Variants in R3HDM1 observed in about 807,000 individuals in gnomAD.
R3HDM1 encodes the protein R3H domain-containing protein 1.
A neutral mutation model predicts 141.1 loss-of-function variants in R3HDM1; 46 were observed. That is an observed-to-expected ratio of 0.33 (90% CI 0.26 to 0.42). The LOEUF is 0.42. Ranked by LOEUF, R3HDM1 falls within the 10% of genes least tolerant of loss-of-function variation. The pLI is 1.00. For missense variants in R3HDM1, 1,184 were observed against 1,368.3 expected, an observed-to-expected ratio of 0.87 and a Z score of 2.12; for synonymous variants, 435 against 472.9, an observed-to-expected ratio of 0.92 and a Z score of 1.04.
chr2:135,724,403 T>C lies in R3HDM1; in HGVS notation c.*111T>C, dbSNP rs1205181425. ...TTATAGAGACTCCTAGGATGTGTGTTCATGGCATTATAGCTTTTGAAGAAA... is the reference window on the plus strand; with the variant it reads ...TTATAGAGACTCCTAGGATGTGTGTCCATGGCATTATAGCTTTTGAAGAAA... On this transcript the variant is annotated 3_prime_UTR_variant, in exon 27 of 27. Coordinates refer to ENST00000683871, the MANE Select transcript of R3HDM1 (RefSeq NM_001378107.1). The C allele has an allele frequency of 1.2e-6, 1 of 821,606 alleles. No individual in the cohort carries two copies. Among genetic ancestry groups the C allele is most frequent in the Non-Finnish European group, 1.9e-6 (1 of 539,270 alleles). 50.9% of individuals were successfully genotyped at this position (821,606 alleles called of 1,614,324 possible). A position where few individuals can be genotyped will look rare whatever the true frequency, so the allele number is the denominator to read the frequency against.
chr2:135,611,036 C>T (rs548090565), intron 3 of R3HDM1, among the ~76,000 whole-genome samples: 1 of 147,778 alleles, frequency 6.8e-6, no homozygotes, highest in Admixed American at 6.8e-5. Context: ...CTTGAGAGTT[C>T]AAGGCTGCAG....
At chr2:135,585,397 T>C (rs1172264433) in intron 1 of R3HDM1, among the ~76,000 whole-genome samples, 1 of 152,246 alleles carries the variant, frequency 6.6e-6, no homozygotes, top group Non-Finnish European at 1.5e-5. Flanking sequence ...GTGGGATTTC[T>C]GGTTGGTGTA....
At chr2:135,536,468 C>T (rs1696145061) in intron 1 of R3HDM1, 2 of 825,998 alleles carry the variant, frequency 2.4e-6, no homozygotes, top group Non-Finnish European at 1.5e-6. Context: ...TAGTGGATTG[C>T]ACAGCATGTT....
chr2:135,593,373 T>G (rs1709795663), intron 1 of R3HDM1, among the ~76,000 whole-genome samples: 1 of 152,178 alleles, frequency 6.6e-6, no homozygotes, highest in African/African-American at 2.4e-5. Context: ...CAAAATACAT[T>G]TTACCCTCAC....
chr2:135,678,543 T>C (rs1056037472), intron 20 of R3HDM1, among the ~76,000 whole-genome samples: 14 of 151,482 alleles, frequency 9.2e-5, no homozygotes, highest in African/African-American at 3.1e-4. Flanking sequence ...AGGTCAGAAG[T>C]TTGAGACCAG....
intron 1 of R3HDM1, among the ~76,000 whole-genome samples, chr2:135,579,991 G>A (rs971084922): frequency 1.3e-5 from 2 of 151,096 alleles, no homozygotes; most frequent in African/African-American, 4.8e-5. Flanking sequence ...ATAGTGGCTT[G>A]TGCAGCACTG....
intron 21 of R3HDM1, among the ~76,000 whole-genome samples, chr2:135,683,093 G>C (rs1051107084): frequency 2.6e-5 from 4 of 152,242 alleles, no homozygotes; most frequent in East Asian, 1.9e-4. Context: ...GCTGACAGTA[G>C]TGATTGGTCA....
chr2:135,661,527 C>T, intron 19 of R3HDM1, 134 bp downstream of exon 19: 1 of 1,147,556 alleles, frequency 8.7e-7, no homozygotes, highest in South Asian at 1.6e-5. Flanking sequence ...GTTTGCAAAC[C>T]AATGAGATTA....
chr2:135,628,326 A>T (rs1457092569), intron 7 of R3HDM1, among the ~76,000 whole-genome samples: 1 of 152,212 alleles, frequency 6.6e-6, no homozygotes, highest in African/African-American at 2.4e-5. Context: ...TGTTTTTTTA[A>T]CAAGTGCTAC....
intron 18 of R3HDM1, among the ~76,000 whole-genome samples, chr2:135,654,813 G>A (rs1208553167): frequency 1.3e-5 from 2 of 151,394 alleles, no homozygotes; most frequent in African/African-American, 4.9e-5. Context: ...GTAGGTACAT[G>A]TATTTTTTTA....
At chr2:135,632,515 C>T (rs2105219987) in intron 9 of R3HDM1, among the ~76,000 whole-genome samples, 1 of 152,216 alleles carries the variant, frequency 6.6e-6, no homozygotes, top group East Asian at 1.9e-4. Flanking sequence ...TCTTCCTGGG[C>T]TATGTATGAT....
chr2:135,719,264 G>C (rs2105463919), intron 24 of R3HDM1, among the ~76,000 whole-genome samples: 1 of 152,156 alleles, frequency 6.6e-6, no homozygotes, highest in South Asian at 2.1e-4. Context: ...GGAACACCTA[G>C]CCCAGCCTAT....
intron 1 of R3HDM1, among the ~76,000 whole-genome samples, chr2:135,534,239 A>C (rs139405651): frequency 1.3e-5 from 2 of 152,278 alleles, no homozygotes; most frequent in Admixed American, 1.3e-4. Context: ...ATATCTTTTA[A>C]ATTTTATTTA....
intron 1 of R3HDM1, chr2:135,586,839 G>A (rs1708047609): frequency 3.0e-6 from 3 of 985,132 alleles, no homozygotes; most frequent in Admixed American, 1.2e-4. Context: ...CAAATTGTCA[G>A]CTGGAAAAAT....
At chr2:135,610,840 G>A (rs550265290) in intron 3 of R3HDM1, among the ~76,000 whole-genome samples, 2 of 152,256 alleles carry the variant, frequency 1.3e-5, no homozygotes, top group African/African-American at 4.8e-5. Flanking sequence ...GTGGCAAAGC[G>A]TGGTGGCTCC....
In R3HDM1 at chr2:135,651,872, C is replaced by T. The variant is rs1421043166; in HGVS notation, c.1868C>T (p.Ala623Val). Residue 623 changes from alanine (A) to valine (V), a missense_variant, in exon 18 of 27, where the codon GCC (alanine) becomes GTC (valine). By Grantham distance (64) the Ala-to-Val change is moderately conservative. This residue lies in a region of R3HDM1 where 563 missense variants were observed against 562.0 expected (regional missense o/e 1.00). Coordinates refer to ENST00000683871, the MANE Select transcript of R3HDM1 (RefSeq NM_001378107.1). ...CAGTCTGGTTATATCATGACAGCAG[C>T]CCCTCCACCACATCCTCCTCCACCG... ...PQQSGYIMTA[A>V]PPPHPPPPPP... The T allele has an allele frequency of 1.9e-6, 3 of 1,613,912 alleles. No homozygotes were observed. The highest frequency in any genetic ancestry group is 2.2e-5 in the East Asian group (1 of 44,890).
At chr2:135,671,768 G>T (rs2068389194) in intron 19 of R3HDM1, among the ~76,000 whole-genome samples, 1 of 151,704 alleles carries the variant, frequency 6.6e-6, no homozygotes, top group Admixed American at 6.6e-5. Flanking sequence ...CTGAAGTCAG[G>T]AGTTTGAGAC....
intron 9 of R3HDM1, chr2:135,633,707 G>T (rs1363855176): frequency 6.6e-6 from 1 of 152,102 alleles, no homozygotes; most frequent in Non-Finnish European, 1.5e-5. Flanking sequence ...GAGATTACCC[G>T]CTCCAGCCTT....
chr2:135,592,553 A>G (rs970831869), intron 1 of R3HDM1, among the ~76,000 whole-genome samples: 1 of 152,164 alleles, frequency 6.6e-6, no homozygotes, highest in African/African-American at 2.4e-5. Flanking sequence ...ACAATCCAGT[A>G]TGGAAACAAA....
Sources: allele counts gnomAD v4.1 joint callset (sites outside exome capture counted in the v4.1 genomes callset), GRCh38; gene constraint gnomAD v4.1.1; regional missense constraint gnomAD v4.1.1; transcripts MANE v1.5; gene names NCBI Gene and HGNC (gene_info 2026-07-23, HGNC 2026-07-21).